Variants in CDH10 observed in about 807,000 individuals in gnomAD.
CDH10 encodes cadherin-10.
A neutral mutation model predicts 73.1 loss-of-function variants in CDH10; 30 were observed. The ratio of observed to expected loss-of-function variants is 0.41; its 90% CI spans 0.31 to 0.56. The LOEUF (loss-of-function observed/expected upper bound fraction) is 0.56. CDH10 is among the 20% of genes least tolerant of loss of function. CDH10 has a pLI of 0.27. For missense variants in CDH10, 815 were observed against 973.7 expected, an observed-to-expected ratio of 0.84 and a Z score of 2.17; for synonymous variants, 345 against 348.2, an observed-to-expected ratio of 0.99 and a Z score of 0.10.
intron 9 of CDH10, among the ~76,000 whole-genome samples, chr5:24,497,806 G>A (rs1384820621): frequency 6.6e-6 from 1 of 152,108 alleles, no homozygotes; most frequent in Non-Finnish European, 1.5e-5. Flanking sequence ...TGAGTCCACT[G>A]AGGAAAAGAC....
chr5:24,576,647 C>T (rs1355299670), intron 2 of CDH10, among the ~76,000 whole-genome samples: 1 of 151,882 alleles, frequency 6.6e-6, no homozygotes, highest in Admixed American at 6.6e-5. Flanking sequence ...AAGTAAATAT[C>T]CAGGTGTAAA....
At chr5:24,542,491 A>C (rs1339833131) in intron 2 of CDH10, among the ~76,000 whole-genome samples, 1 of 152,154 alleles carries the variant, frequency 6.6e-6, no homozygotes, top group East Asian at 1.9e-4. Flanking sequence ...CATGCTGTAC[A>C]GGTTTGTAAC....
At chr5:24,599,495 T>C (rs903494036) in intron 1 of CDH10, among the ~76,000 whole-genome samples, 2 of 152,190 alleles carry the variant, frequency 1.3e-5, no homozygotes, top group African/African-American at 2.4e-5. Context: ...AAACCATTTG[T>C]GCATGTACTA....
At chr5:24,491,979 A>G (rs749139324) in intron 10 of CDH10, 152 bp from the exon 11 acceptor site, 106 of 552,776 alleles carry the variant, frequency 1.9e-4, no homozygotes, top group Non-Finnish European at 3.0e-4. Flanking sequence ...TGCAATTAAT[A>G]TATAGATAAG....
At chr5:24,531,065 A>G (rs1743724883) in intron 5 of CDH10, among the ~76,000 whole-genome samples, 1 of 151,974 alleles carries the variant, frequency 6.6e-6, no homozygotes, top group African/African-American at 2.4e-5. Context: ...GACTCCCTTC[A>G]ATTTCCAACC....
At chr5:24,544,395 T>C (rs1744265672) in intron 2 of CDH10, among the ~76,000 whole-genome samples, 1 of 152,166 alleles carries the variant, frequency 6.6e-6, no homozygotes, top group South Asian at 2.1e-4. Context: ...ATGATTTAAA[T>C]TGATAAGTAC....
chr5:24,529,066 T>G (rs1743633657), intron 5 of CDH10, among the ~76,000 whole-genome samples: 1 of 152,028 alleles, frequency 6.6e-6, no homozygotes, highest in Non-Finnish European at 1.5e-5. Flanking sequence ...GAGTTTATAT[T>G]TGCACAATAT....
chr5:24,599,057 T>C (rs996702486), intron 1 of CDH10, among the ~76,000 whole-genome samples: 2 of 152,158 alleles, frequency 1.3e-5, no homozygotes, highest in Admixed American at 6.6e-5. Flanking sequence ...TGCTACTCTC[T>C]GAGCAACCTT....
rs1193831501 is a variant in CDH10 at position 24,509,736 on chromosome 5, T to C, written c.1086A>G (p.Leu362=). The stretch of plus-strand genomic sequence containing the variant: ...CTATGGTAGTATCTTTAAATGGTCC[T>C]AGGTAATAAAAACGGGGATCTACAT... ...NTHVDPRFYY[L]GPFKDTTIVK... The change falls in exon 7 of 12, where the codon CTA becomes CTG. Residue 362 remains leucine, a synonymous_variant. Coordinates refer to ENST00000264463, the MANE Select transcript of CDH10 (RefSeq NM_006727.5). 1 of 1,612,970 alleles carries C rather than the reference T, an allele frequency of 6.2e-7. No homozygotes were observed. The highest frequency in any genetic ancestry group is 8.5e-7 in the Non-Finnish European group (1 of 1,179,032).
At chr5:24,503,191 G>A (rs1238926809) in intron 8 of CDH10, among the ~76,000 whole-genome samples, 2 of 152,152 alleles carry the variant, frequency 1.3e-5, no homozygotes, top group Admixed American at 6.5e-5. Context: ...TCCAAAGCCT[G>A]TAGTGGTTAC....
chr5:24,508,856 C>T (rs1053843847), intron 7 of CDH10, among the ~76,000 whole-genome samples: 1 of 152,148 alleles, frequency 6.6e-6, no homozygotes, highest in South Asian at 2.1e-4. Context: ...TTCAACCTTA[C>T]ATTTTATTTA....
At chr5:24,527,312 T>G (rs950455379) in intron 5 of CDH10, among the ~76,000 whole-genome samples, 1 of 147,294 alleles carries the variant, frequency 6.8e-6, no homozygotes, top group Non-Finnish European at 1.5e-5. Context: ...TATAATTAAA[T>G]ATACAGTCTT....
intron 2 of CDH10, among the ~76,000 whole-genome samples, chr5:24,543,625 C>T (rs1744234429): frequency 6.6e-6 from 1 of 151,996 alleles, no homozygotes; most frequent in Non-Finnish European, 1.5e-5. Flanking sequence ...GCTCTAATTG[C>T]TCCAGTTGAT....
chr5:24,489,098 A>G (rs1741954361), intron 11 of CDH10, among the ~76,000 whole-genome samples: 1 of 152,056 alleles, frequency 6.6e-6, no homozygotes, highest in African/African-American at 2.4e-5. Context: ...ATTTGAGGGA[A>G]AAAGTGTGAA....
Position 24,488,153 on chromosome 5 carries a change from A to G in CDH10, c.1877T>C (p.Val626Ala), listed in dbSNP as rs765449654. 8.2e-6 allele frequency: 13 copies of G among 1,594,200 alleles called. No homozygotes were observed. The highest frequency in any genetic ancestry group is 1.4e-5 in the African/African-American group (1 of 73,528). The change falls in exon 12 of 12, where the codon GTT becomes GCT. Residue 626 changes from valine to alanine, a missense_variant and splice_region_variant. By Grantham distance (64) the Val-to-Ala change is moderately conservative. Coordinates refer to ENST00000264463, the MANE Select transcript of CDH10 (RefSeq NM_006727.5). ...CAGAGCTGCAAACAGTACTACTATAACTTGAAAAAAGACAAGAAGATACAT... is the reference window on the plus strand; with the variant it reads ...CAGAGCTGCAAACAGTACTACTATAGCTTGAAAAAAGACAAGAAGATACAT... ...AILLCIIILL[V>A]IVVLFAALKR...
intron 2 of CDH10, among the ~76,000 whole-genome samples, chr5:24,586,381 T>G (rs1745993359): frequency 6.7e-6 from 1 of 149,974 alleles, no homozygotes; most frequent in Admixed American, 6.7e-5. Flanking sequence ...AAGTTGCTGC[T>G]CCCCTCTCAA....
intron 1 of CDH10, among the ~76,000 whole-genome samples, chr5:24,634,526 AC>A (rs567101718): frequency 1.5e-4 from 23 of 151,938 alleles, no homozygotes; most frequent in East Asian, 7.7e-4. Context: ...GTGAAAAAAA[AC>A]AATCCTATAA....
rs2111637670 is a variant in CDH10 at position 24,491,647 on chromosome 5, G to T, written c.1805C>A (p.Ala602Asp). 6.2e-7 allele frequency: 1 copy of T among 1,613,620 alleles called. No individual in the cohort carries two copies. Among genetic ancestry groups the T allele is most frequent in the South Asian group, 1.1e-5 (1 of 91,064 alleles). The change falls in exon 11 of 12, where the codon GCC becomes GAC. Residue 602 changes from alanine to aspartate, a missense_variant. By Grantham distance (126) the Ala-to-Asp change is moderately radical. This residue lies in a region of CDH10 where 241 missense variants were observed against 240.3 expected (regional missense o/e 1.00). Transcript: ENST00000264463. ...GCTGAGGCCGGCAGGGAGGAGCAGG[G>T]CTTCAGCACTGCAGGATTGCATGTT... ...QGNMQSCSAE[A>D]LLLPAGLSTG...
chr5:24,623,990 A>G (rs1747405026), intron 1 of CDH10, among the ~76,000 whole-genome samples: 2 of 152,200 alleles, frequency 1.3e-5, no homozygotes, highest in South Asian at 2.1e-4. Context: ...TTTCTATACT[A>G]TCAAAGCATA....
Sources: allele counts gnomAD v4.1 joint callset (sites outside exome capture counted in the v4.1 genomes callset), GRCh38; gene constraint gnomAD v4.1.1; regional missense constraint gnomAD v4.1.1; transcripts MANE v1.5; gene names NCBI Gene and HGNC (gene_info 2026-07-23, HGNC 2026-07-21).